OSR1: variants seen among roughly 807,000 people sequenced by gnomAD.
OSR1 encodes the protein protein odd-skipped-related 1.
A neutral mutation model predicts 15.7 loss-of-function variants in OSR1; 3 were observed. The observed-to-expected ratio is 0.19, with a 90% CI of 0.09 to 0.50. The LOEUF (loss-of-function observed/expected upper bound fraction) is 0.50, where lower values mean the gene tolerates loss of function less well. Ranked by LOEUF, OSR1 falls within the 20% of genes least tolerant of loss-of-function variation. The pLI is 0.97. For synonymous variants in OSR1, 166 were observed against 152.7 expected (o/e 1.09, Z -0.64); for missense variants, 271 against 351.1 (o/e 0.77, Z 1.82).
At chr2:19,345,152 G>C in the OSR1 span, among the ~76,000 whole-genome samples, 1 of 152,120 alleles carries the variant, frequency 6.6e-6, no homozygotes, top group Non-Finnish European at 1.5e-5. Flanking sequence ...TAAAGTGTCA[G>C]TTAGGAATTA....
At chr2:19,345,226 G>A in the OSR1 span, among the ~76,000 whole-genome samples, 1 of 152,118 alleles carries the variant, frequency 6.6e-6, no homozygotes, top group South Asian at 2.1e-4. Context: ...TGAGTAGGTT[G>A]CGAAAATTTT....
At chr2:19,352,508 A>C (rs942161015) in intron 2 of OSR1, 98 bp from the exon 3 acceptor site, 84 of 1,431,758 alleles carry the variant, frequency 5.9e-5, no homozygotes, top group Admixed American at 7.3e-5. Flanking sequence ...ACTTGCCCTC[A>C]AAGGAAAAGT....
Position 19,352,093 on chromosome 2 carries a change from C to T in OSR1, c.*182G>A, listed in dbSNP as rs1320389806. ...GTCCTAGGGGAGCAGCAGGGACGGT[C>T]GGGGTCGCGGCCCCGGGCGGGGCTC... On this transcript the variant is annotated 3_prime_UTR_variant, in exon 3 of 3. Coordinates refer to ENST00000272223, the MANE Select transcript of OSR1 (RefSeq NM_145260.3). The T allele has an allele frequency of 1.0e-5, 6 of 577,638 alleles. No homozygotes were observed. The Admixed American group carries it at 1.7e-4, about 16-fold the overall frequency. The allele number at this position is 577,638 out of a possible 1,614,324, so 35.8% of individuals were successfully genotyped here.
chr2:19,348,635 C>T (rs1419810793), downstream of OSR1: 1 of 154,230 alleles, frequency 6.5e-6, no homozygotes, highest in East Asian at 1.9e-4. Context: ...TTGCGTCCCT[C>T]CCCACAATGT....
downstream of OSR1, among the ~76,000 whole-genome samples, chr2:19,347,409 C>G (rs1038836132): frequency 1.3e-5 from 2 of 152,222 alleles, no homozygotes; most frequent in African/African-American, 4.8e-5. Context: ...TAGTGAAGCA[C>G]AGGGACTTCC....
rs1664965659 is a variant in OSR1 at position 19,357,118 on chromosome 2, T to G, written c.-33+1223A>C. On this transcript the variant is annotated intron_variant, in intron 1 of 2. Coordinates refer to ENST00000272223, the MANE Select transcript of OSR1 (RefSeq NM_145260.3). The surrounding 1 kb of genome is among the most constrained non-coding windows in gnomAD (Gnocchi z 5.0). ...TCTAACGAACCCATTGGCAAGGCGG[T>G]CATCCGGCTGCACTTAAATGTCCGC... 3.3e-5 allele frequency among the ~76,000 whole-genome samples: 5 copies of G among 152,068 alleles called. No individual in the cohort carries two copies.
Position 19,353,687 on chromosome 2 carries a change from T to C in OSR1, c.119A>G (p.Asn40Ser), listed in dbSNP as rs775583465. The change falls in exon 2 of 3, where the codon AAC (asparagine) becomes AGC (serine). Residue 40 changes from asparagine to serine, a missense_variant. Asn to Ser is a conservative substitution (Grantham distance 46, BLOSUM62 1). Around this residue, in one of 4 missense-constraint regions of OSR1, gnomAD observed 210 missense variants for 218.4 expected, o/e 0.96. Transcript: ENST00000272223. ...GTGCAACGCGCTGAAACCATACAGG[T>C]TGGGCAGATGGTCCGAAGGCACTGT... is the stretch of plus-strand genomic sequence containing the variant. ...LPTVPSDHLP[N>S]LYGFSALHAV... The C allele has an allele frequency of 6.2e-7, 1 of 1,614,056 alleles. No homozygotes were observed. The highest frequency in any genetic ancestry group is 8.5e-7 in the Non-Finnish European group (1 of 1,180,032).
At chr2:19,353,050 G>A in intron 2 of OSR1, 91 bp downstream of exon 2, 1 of 1,446,824 alleles carries the variant, frequency 6.9e-7, no homozygotes, top group Non-Finnish European at 9.4e-7. Context: ...GAGGCTTGGA[G>A]CCAGTAGGGG....
In OSR1 at chr2:19,353,308, A is replaced by T. The variant is rs1216950140; in HGVS notation, c.498T>A (p.Arg166=). ...LSPEKKPTRG[R]LPSKTKKEFV... Reference sequence around the variant, plus strand: ...ATTCCTTCTTGGTCTTGGAAGGCAGACGTCCCCTTGTGGGCTTCTTTTCTG... The same window carrying T: ...ATTCCTTCTTGGTCTTGGAAGGCAGTCGTCCCCTTGTGGGCTTCTTTTCTG... Residue 166 remains arginine, a synonymous_variant, in exon 2 of 3, where the codon CGT becomes CGA. Coordinates refer to ENST00000272223, the MANE Select transcript of OSR1 (RefSeq NM_145260.3). The T allele has an allele frequency of 6.2e-7, 1 of 1,614,120 alleles. No individual in the cohort carries two copies. The highest frequency in any genetic ancestry group is 1.3e-5 in the African/African-American group (1 of 74,934).
At chr2:19,351,179 C>A (rs559392968), downstream of OSR1, among the ~76,000 whole-genome samples, 17 of 152,264 alleles carry the variant, frequency 1.1e-4, no homozygotes, top group African/African-American at 3.6e-4. Flanking sequence ...GGATTTCTCA[C>A]GGGCGGTTTT....
rs1046097754 is a variant in OSR1, at chr2:19,357,866, G to T, written c.-33+475C>A. The T allele has an allele frequency of 6.6e-6, 1 of 152,310 alleles. No homozygotes were observed. Among genetic ancestry groups the T allele is most frequent in the Admixed American group, 6.5e-5 (1 of 15,290 alleles). 9.4% of individuals were successfully genotyped at this position (152,310 alleles called of 1,614,324 possible). A position where few individuals can be genotyped will look rare whatever the true frequency, so the allele number is the denominator to read the frequency against. On this transcript the variant is annotated intron_variant, in intron 1 of 2. Transcript: ENST00000272223. The surrounding 1 kb of genome is among the most constrained non-coding windows in gnomAD (Gnocchi z 5.0). ...GACAAACTTGAACGAAAGCGCTACC[G>T]AGCTGGGGCATGCACCTGTCCCTGG...
At position 19,357,044 on chromosome 2, in the gene OSR1, G is replaced by A. The variant is rs1572261849; in HGVS notation, c.-33+1297C>T. On this transcript the variant is annotated intron_variant, in intron 1 of 2. Transcript: ENST00000272223. The surrounding 1 kb of genome is among the most constrained non-coding windows in gnomAD (Gnocchi z 5.0). ...ACAGGCGTCCGGACCCCCGTGAAGAGGACTGACCGGCACCGGATACTTCTA... is the reference window on the plus strand; with the variant it reads ...ACAGGCGTCCGGACCCCCGTGAAGAAGACTGACCGGCACCGGATACTTCTA... The A allele has an allele frequency of 2.0e-5, 3 of 152,234 alleles. No individual in the cohort carries two copies. The highest frequency in any genetic ancestry group is 7.2e-5 in the African/African-American group (3 of 41,546). The allele number at this position is 152,234 out of a possible 1,614,324, so 9.4% of individuals were successfully genotyped here. A position where few individuals can be genotyped will look rare whatever the true frequency, so the allele number is the denominator to read the frequency against.
chr2:19,353,471 T>C lies in OSR1; in HGVS notation c.335A>G (p.Lys112Arg). 3.7e-6 allele frequency: 6 copies of C among 1,614,126 alleles called. No homozygotes were observed. Among genetic ancestry groups the C allele is most frequent in the Non-Finnish European group, 5.1e-6 (6 of 1,179,956 alleles). The change falls in exon 2 of 3, where the codon AAG becomes AGG. Residue 112 changes from lysine to arginine, a missense_variant. Lys to Arg is a conservative substitution (Grantham distance 26). Coordinates refer to ENST00000272223, the MANE Select transcript of OSR1 (RefSeq NM_145260.3). Reference sequence around the variant, plus strand: ...GGCAAAATCAAAGCGCGGCTTGGTCTTGAGCGCTGGAACGCTGCCTCCAGC... The same window carrying C: ...GGCAAAATCAAAGCGCGGCTTGGTCCTGAGCGCTGGAACGCTGCCTCCAGC... The part of the protein sequence containing the change: ...ITAGGSVPAL[K>R]TKPRFDFANL...
rs1395116955 is a variant in OSR1, at chr2:19,351,529, A to G, written c.*746T>C. 2.1e-5 allele frequency: 3 copies of G among 146,232 alleles called. No homozygotes were observed. Among genetic ancestry groups the G allele is most frequent in the African/African-American group, 7.6e-5 (3 of 39,392 alleles). The allele number at this position is 146,232 out of a possible 1,614,324, so 9.1% of individuals were successfully genotyped here. A position where few individuals can be genotyped will look rare whatever the true frequency, so the allele number is the denominator to read the frequency against. On this transcript the variant is annotated 3_prime_UTR_variant, in exon 3 of 3. Transcript: ENST00000272223. The stretch of plus-strand genomic sequence containing the variant: ...TATTTAATAGTTAAAAAAAAAAAAA[A>G]CTCCAGTGATAAATGTCCGTTACCG...
chr2:19,354,529 C>T (rs531308093), intron 1 of OSR1: 3 of 152,238 alleles, frequency 2.0e-5, no homozygotes, highest in Non-Finnish European at 2.9e-5. Flanking sequence ...TCTGGCTGAC[C>T]TTCGATTTGG....
chr2:19,351,526 A>G lies in OSR1; in HGVS notation c.*749T>C, dbSNP rs1024922510. 6.6e-6 allele frequency: 1 copy of G among 152,606 alleles called. No homozygotes were observed. The highest frequency in any genetic ancestry group is 2.4e-5 in the African/African-American group (1 of 41,430). The allele number at this position is 152,606 out of a possible 1,614,324, so 9.5% of individuals were successfully genotyped here. A position where few individuals can be genotyped will look rare whatever the true frequency, so the allele number is the denominator to read the frequency against. On this transcript the variant is annotated 3_prime_UTR_variant, in exon 3 of 3. Coordinates refer to ENST00000272223, the MANE Select transcript of OSR1 (RefSeq NM_145260.3). ...GTTTATTTAATAGTTAAAAAAAAAA[A>G]AAACTCCAGTGATAAATGTCCGTTA...
intron 1 of OSR1, chr2:19,358,091 C>G (rs1664987163): frequency 6.6e-6 from 1 of 152,298 alleles, no homozygotes; most frequent in South Asian, 2.1e-4. Flanking sequence ...GGCGGGCTGG[C>G]CGCAGTAGCG....
chr2:19,347,656 C>T (rs757725906), downstream of OSR1, among the ~76,000 whole-genome samples: 1 of 152,188 alleles, frequency 6.6e-6, no homozygotes, highest in Non-Finnish European at 1.5e-5. Context: ...GACACCAGGG[C>T]GTTCCACCGG....
In OSR1 at chr2:19,353,368, C is replaced by A. The variant is rs746416465; in HGVS notation, c.438G>T (p.Gly146=). The change falls in exon 2 of 3, where the codon GGG becomes GGT. Residue 146 remains glycine, a synonymous_variant. Coordinates refer to ENST00000272223, the MANE Select transcript of OSR1 (RefSeq NM_145260.3). ...RGEGPGSPAG[G]LGALLDVTKL... ...TGGTCACGTCGAGGAGGGCACCCAGCCCACCTGCAGGGGAGCCTGGGCCCT... is the reference window on the plus strand; with the variant it reads ...TGGTCACGTCGAGGAGGGCACCCAGACCACCTGCAGGGGAGCCTGGGCCCT... 2 of 1,614,076 alleles carry A rather than the reference C, an allele frequency of 1.2e-6. No homozygotes were observed. Among genetic ancestry groups the A allele is most frequent in the African/African-American group, 2.7e-5 (2 of 74,950 alleles).
Sources: allele counts gnomAD v4.1 joint callset (sites outside exome capture counted in the v4.1 genomes callset), GRCh38; gene constraint gnomAD v4.1.1; regional missense constraint gnomAD v4.1.1; non-coding constraint Gnocchi (gnomAD v3.1); transcripts MANE v1.5; gene names NCBI Gene and HGNC (gene_info 2026-07-23, HGNC 2026-07-21).